The following UHMK1 variants were observed in gnomAD, a reference collection of about 807,000 sequenced individuals.
UHMK1 encodes serine/threonine-protein kinase Kist.
Under a neutral mutation model 44.0 loss-of-function variants are expected in UHMK1, and 18 were observed. The ratio of observed to expected loss-of-function variants is 0.41; its 90% CI spans 0.28 to 0.61. The LOEUF (loss-of-function observed/expected upper bound fraction) is 0.61, where lower values mean the gene tolerates loss of function less well. Among genes scored for constraint, UHMK1 ranks in the 20% least tolerant of loss-of-function variants. The pLI is 0.31. For missense variants in UHMK1, 463 were observed against 522.5 expected (o/e 0.89, Z 1.11); for synonymous variants, 231 against 198.5 (o/e 1.16, Z -1.38).
intron 4 of UHMK1, among the ~76,000 whole-genome samples, chr1:162,511,189 C>CTTTTTTTTTTTTTT (rs142796500): frequency 5.9e-5 from 6 of 101,004 alleles, no homozygotes; most frequent in Admixed American, 2.2e-4. Context: ...TTTTCTTTTT[C>CTTTTTTTTTTTTTT]TTTTTTTTTT....
At chr1:162,514,350 T>G (rs1651766724) in intron 6 of UHMK1, among the ~76,000 whole-genome samples, 1 of 152,152 alleles carries the variant, frequency 6.6e-6, no homozygotes, top group South Asian at 2.1e-4. Flanking sequence ...CTAGCTTCTT[T>G]GCAGTTTTTT....
chr1:162,499,266 C>T (rs1479536000), intron 1 of UHMK1, among the ~76,000 whole-genome samples: 2 of 151,974 alleles, frequency 1.3e-5, no homozygotes, highest in African/African-American at 4.8e-5. Context: ...GCCTCCAATT[C>T]CTCCTAAAGC....
upstream of UHMK1, chr1:162,497,355 C>A (rs1651084055): frequency 2.9e-6 from 2 of 687,828 alleles, no homozygotes; most frequent in South Asian, 1.5e-5. Context: ...TTTTAGAGTG[C>A]CCTGGCCTGG....
intron 6 of UHMK1, among the ~76,000 whole-genome samples, chr1:162,516,496 C>T (rs1014262151): frequency 3.9e-5 from 6 of 152,036 alleles, no homozygotes; most frequent in African/African-American, 1.4e-4. Flanking sequence ...GAAGGAGATA[C>T]TTTTTTAATA....
intron 3 of UHMK1, among the ~76,000 whole-genome samples, chr1:162,502,512 A>T (rs968103837): frequency 6.6e-6 from 1 of 152,192 alleles, no homozygotes; most frequent in Non-Finnish European, 1.5e-5. Context: ...GCTAATCCAG[A>T]CATAGATCAG....
intron 7 of UHMK1, among the ~76,000 whole-genome samples, chr1:162,522,073 C>G (rs991974812): frequency 5.3e-5 from 8 of 151,748 alleles, no homozygotes; most frequent in African/African-American, 1.9e-4. Context: ...TGGCAGATGT[C>G]TAGTGTTATT....
At chr1:162,521,235 C>G (rs1652046633) in intron 7 of UHMK1, among the ~76,000 whole-genome samples, 2 of 152,032 alleles carry the variant, frequency 1.3e-5, no homozygotes, top group African/African-American at 4.8e-5. Flanking sequence ...TGATACAGCC[C>G]TATTAATTTC....
intron 7 of UHMK1, 45 bp from the exon 8 acceptor site, chr1:162,522,359 C>G: frequency 6.2e-7 from 1 of 1,606,102 alleles, no homozygotes; most frequent in Non-Finnish European, 8.5e-7. Flanking sequence ...TGGTCTAAAA[C>G]AATCTTGGTG....
At chr1:162,522,281 A>G in intron 7 of UHMK1, 123 bp from the exon 8 acceptor site, 1 of 1,142,892 alleles carries the variant, frequency 8.7e-7, no homozygotes, top group Admixed American at 2.5e-5. Flanking sequence ...TCTCAGACCT[A>G]AGGAAGCAAA....
intron 4 of UHMK1, among the ~76,000 whole-genome samples, chr1:162,511,189 CTTTTT>C (rs142796500): frequency 8.9e-5 from 9 of 101,002 alleles, no homozygotes; most frequent in Non-Finnish European, 1.2e-4. Context: ...TTTTCTTTTT[CTTTTT>C]TTTTTTTTTT....
At chr1:162,501,376 G>T (rs1011028424) in intron 3 of UHMK1, among the ~76,000 whole-genome samples, 9 of 152,152 alleles carry the variant, frequency 5.9e-5, no homozygotes, top group African/African-American at 2.2e-4. Context: ...CACCATGTTG[G>T]CCAGGCTGGT....
At chr1:162,505,287 A>G (rs994218308) in intron 4 of UHMK1, among the ~76,000 whole-genome samples, 1 of 152,226 alleles carries the variant, frequency 6.6e-6, no homozygotes, top group African/African-American at 2.4e-5. Context: ...CAGGGGCAGT[A>G]ACATGCATAG....
intron 4 of UHMK1, among the ~76,000 whole-genome samples, chr1:162,505,558 G>A (rs933184084): frequency 1.4e-4 from 22 of 152,176 alleles, no homozygotes; most frequent in Non-Finnish European, 2.8e-4. Flanking sequence ...GATGTGTTGC[G>A]ATAGGACATT....
intron 6 of UHMK1, among the ~76,000 whole-genome samples, chr1:162,514,181 C>T (rs541441066): frequency 6.7e-4 from 101 of 151,806 alleles, no homozygotes; most frequent in African/African-American, 2.1e-3. Flanking sequence ...CCCAGCTGCT[C>T]GGGAGGCTGA....
Position 162,512,911 on chromosome 1 carries a change from TTATC to T in UHMK1, c.1024+91_1024+94del, listed in dbSNP as rs578197413. 2,138 of 1,249,132 alleles carry T rather than the reference TTATC, an allele frequency of 1.7e-3. 3 individuals carry two copies. The highest frequency in any genetic ancestry group is 2.3e-3 in the Non-Finnish European group (1,983 of 869,008). 77.4% of individuals were successfully genotyped at this position (1,249,132 alleles called of 1,614,324 possible). A position where few individuals can be genotyped will look rare whatever the true frequency, so the allele number is the denominator to read the frequency against. On this transcript the variant is annotated intron_variant, in intron 6 of 7. Coordinates refer to ENST00000489294, the MANE Select transcript of UHMK1 (RefSeq NM_175866.5). The stretch of plus-strand genomic sequence containing the variant: ...CCGTAACATTTTCATATTTCTCAAT[TTATC>T]TAATGAGAATATTGAACAATATGAT...
At chr1:162,501,171 A>ATTT in intron 3 of UHMK1, 67 bp downstream of exon 3, 44 of 1,225,258 alleles carry the variant, frequency 3.6e-5, no homozygotes, top group South Asian at 5.0e-5. Flanking sequence ...ATTTATGATG[A>ATTT]TTTTTTTTTT....
Position 162,503,857 on chromosome 1 carries a change from C to A in UHMK1, c.848+9C>A. 3.1e-6 allele frequency: 5 copies of A among 1,608,214 alleles called. No homozygotes were observed. Among genetic ancestry groups the A allele is most frequent in the Non-Finnish European group, 4.3e-6 (5 of 1,175,142 alleles). On this transcript the variant is annotated intron_variant, in intron 4 of 7. Coordinates refer to ENST00000489294, the MANE Select transcript of UHMK1 (RefSeq NM_175866.5). Reference sequence around the variant, plus strand: ...AGAGACCTTATCAAAAGGTATGTTACACGTACCATAAACTTGCTTTGCATT... The same window carrying A: ...AGAGACCTTATCAAAAGGTATGTTAAACGTACCATAAACTTGCTTTGCATT...
intron 3 of UHMK1, among the ~76,000 whole-genome samples, chr1:162,501,331 G>A (rs1282756740): frequency 1.3e-5 from 2 of 152,032 alleles, no homozygotes; most frequent in African/African-American, 4.8e-5. Context: ...CACCGTACCC[G>A]GCTAATTTTT....
In UHMK1 at chr1:162,523,323, G is replaced by C. The variant is rs948058777; in HGVS notation, c.*773G>C. The C allele has an allele frequency of 3.3e-5, 5 of 152,526 alleles. No homozygotes were observed. The highest frequency in any genetic ancestry group is 1.3e-4 in the Admixed American group (2 of 15,268). The allele number at this position is 152,526 out of a possible 1,614,324, so 9.4% of individuals were successfully genotyped here. On this transcript the variant is annotated 3_prime_UTR_variant, in exon 8 of 8. Transcript: ENST00000489294. ...TTTCTTCCCTACCTGTTTCACATCC[G>C]TAAGATTTAAGATATACATTTTTTG...
Sources: allele counts gnomAD v4.1 joint callset (sites outside exome capture counted in the v4.1 genomes callset), GRCh38; gene constraint gnomAD v4.1.1; transcripts MANE v1.5; gene names NCBI Gene and HGNC (gene_info 2026-07-23, HGNC 2026-07-21).